The following POLR1D variants were observed in gnomAD, a reference collection of about 807,000 sequenced individuals.
The protein encoded by POLR1D is DNA-directed RNA polymerases I and III subunit RPAC2.
A neutral mutation model predicts 10.8 loss-of-function variants in POLR1D; 8 were observed. The ratio of observed to expected loss-of-function variants is 0.74; its 90% CI spans 0.43 to 1.33. The LOEUF is 1.33. POLR1D is among the 40% of genes most tolerant of loss of function. POLR1D has a pLI of 0.01. For missense variants in POLR1D, 152 were observed against 161.7 expected, an observed-to-expected ratio of 0.94 and a Z score of 0.32; for synonymous variants, 54 against 57.2, an observed-to-expected ratio of 0.94 and a Z score of 0.25.
chr13:27,642,423 C>G (rs552574879), intron 1 of POLR1D, among the ~76,000 whole-genome samples: 2 of 152,172 alleles, frequency 1.3e-5, no homozygotes. Context: ...CCCTCAGGAA[C>G]CTGTAGCTCT....
intron 2 of POLR1D, among the ~76,000 whole-genome samples, chr13:27,653,255 A>G (rs1047910198): frequency 1.3e-5 from 2 of 152,100 alleles, no homozygotes; most frequent in Non-Finnish European, 2.9e-5. Flanking sequence ...TGATGTCTAC[A>G]TCTAGCTGCA....
intron 1 of POLR1D, among the ~76,000 whole-genome samples, chr13:27,636,058 A>G (rs902875760): frequency 7.2e-5 from 11 of 152,208 alleles, no homozygotes; most frequent in African/African-American, 2.7e-4. Context: ...TTTTTCGGGT[A>G]AGAAATTCTG....
At chr13:27,627,547 G>A (rs12877894), downstream of POLR1D, among the ~76,000 whole-genome samples, 1,252 of 152,168 alleles carry the variant, frequency 8.2e-3, 7 homozygotes, top group Non-Finnish European at 0.013. Context: ...ATTCAGAATG[G>A]GATGGGTGAA....
intron 2 of POLR1D, among the ~76,000 whole-genome samples, chr13:27,660,112 A>T (rs929570731): frequency 2.0e-5 from 3 of 152,180 alleles, no homozygotes; most frequent in Non-Finnish European, 4.4e-5. Context: ...AGCATTTTTC[A>T]GGTGGCCACA....
At chr13:27,641,293 T>A (rs1284714373) in intron 1 of POLR1D, among the ~76,000 whole-genome samples, 1 of 152,232 alleles carries the variant, frequency 6.6e-6, no homozygotes, top group Non-Finnish European at 1.5e-5. Context: ...TTCCTACACA[T>A]CTGGTGTTTC....
chr13:27,622,088 G>A (rs1955941016), intron 1 of POLR1D, 79 bp downstream of exon 1: 4 of 1,223,654 alleles, frequency 3.3e-6, no homozygotes, highest in Non-Finnish European at 3.5e-6. Flanking sequence ...TGCCTGGCCT[G>A]GCAGCCGGGG....
chr13:27,622,093 CCG>C, intron 1 of POLR1D, 84 bp downstream of exon 1: 2 of 1,188,718 alleles, frequency 1.7e-6, no homozygotes, highest in Non-Finnish European at 2.5e-6. Flanking sequence ...GGCCTGGCAG[CCG>C]GGGCCTGACT....
chr13:27,623,262 G>A lies in POLR1D; in HGVS notation c.*12G>A. On this transcript the variant is annotated 3_prime_UTR_variant, in exon 2 of 2. Transcript: ENST00000302979. ...AATCCACATTCTAGTCCTTTATGCAGTATACAAGGAGAACTGTCCTGTAGG... is the reference window on the plus strand; with the variant it reads ...AATCCACATTCTAGTCCTTTATGCAATATACAAGGAGAACTGTCCTGTAGG... 6.2e-7 allele frequency: 1 copy of A among 1,613,238 alleles called. No individual in the cohort carries two copies. Among genetic ancestry groups the A allele is most frequent in the South Asian group, 1.1e-5 (1 of 90,638 alleles).
chr13:27,631,220 T>C (rs937173820), intron 1 of POLR1D, among the ~76,000 whole-genome samples: 1 of 152,344 alleles, frequency 6.6e-6, no homozygotes, highest in Non-Finnish European at 1.5e-5. Context: ...GTAGTCAAGA[T>C]GTCATCCAGG....
At chr13:27,648,442 A>C (rs925135584) in exon 2 of POLR1D, 1 of 1,607,074 alleles carries the variant, frequency 6.2e-7, no homozygotes, top group Admixed American at 1.7e-5. Flanking sequence ...AAACAATGGG[A>C]CCCATGGGTT....
chr13:27,642,164 A>G (rs1956180428), intron 1 of POLR1D, among the ~76,000 whole-genome samples: 1 of 152,244 alleles, frequency 6.6e-6, no homozygotes, highest in Non-Finnish European at 1.5e-5. Flanking sequence ...AGCTAAACAA[A>G]GGCCATTTAT....
At position 27,647,154 on chromosome 13, in the gene POLR1D, C is replaced by T. The variant is rs573498235; in HGVS notation, c.27-1225C>T. ...TGATACATCATATTCAAGTCAGGGA[C>T]GATCATCTTCCTATGTTGCTACCCA... On this transcript the variant is annotated intron_variant, in intron 1 of 2. Transcript: ENST00000399697. Among the ~76,000 whole-genome samples, 128 of 152,098 alleles carry T rather than the reference C, an allele frequency of 8.4e-4. 1 individual carries two copies. The highest frequency in any genetic ancestry group is 1.5e-3 in the South Asian group (7 of 4,816).
intron 1 of POLR1D, among the ~76,000 whole-genome samples, chr13:27,646,734 G>A (rs1001781024): frequency 6.6e-6 from 1 of 152,174 alleles, no homozygotes; most frequent in African/African-American, 2.4e-5. Context: ...TGAAAGCATA[G>A]TATTAGGAAT....
chr13:27,655,435 T>C (rs924957267), intron 2 of POLR1D, among the ~76,000 whole-genome samples: 1 of 152,162 alleles, frequency 6.6e-6, no homozygotes, highest in Admixed American at 6.6e-5. Flanking sequence ...ATCCCAAAAA[T>C]GTCTTTTATA....
exon 3 of POLR1D, chr13:27,667,162 C>T (rs968222576): frequency 1.3e-5 from 2 of 152,222 alleles, no homozygotes; most frequent in African/African-American, 4.8e-5. Flanking sequence ...CCAAGTCATT[C>T]TTGATCCACC....
intron 1 of POLR1D, among the ~76,000 whole-genome samples, chr13:27,630,261 C>A (rs575870989): frequency 6.6e-6 from 1 of 152,238 alleles, no homozygotes; most frequent in South Asian, 2.1e-4. Flanking sequence ...TAGCATATCT[C>A]AAAAACAAAA....
chr13:27,643,927 T>C (rs1956197029), intron 1 of POLR1D, among the ~76,000 whole-genome samples: 1 of 152,206 alleles, frequency 6.6e-6, no homozygotes, highest in Non-Finnish European at 1.5e-5. Context: ...AGAGTAGTCT[T>C]ATTAAGCAAT....
At position 27,622,916 on chromosome 13, in the gene POLR1D, G is replaced by A; in HGVS notation, c.68G>A (p.Arg23Lys). The A allele has an allele frequency of 6.2e-7, 1 of 1,611,936 alleles. No individual in the cohort carries two copies. The highest frequency in any genetic ancestry group is 8.5e-7 in the Non-Finnish European group (1 of 1,177,968). ...AAGACCTCAATGGCTGAAGGCGAGA[G>A]GAAGACAGCCCTGGAAATGGTCCAG... ...GLKTSMAEGE[R>K]KTALEMVQAA... The change falls in exon 2 of 2, where the codon AGG (arginine) becomes AAG (lysine). Residue 23 changes from arginine (R) to lysine (K), a missense_variant. Arg to Lys is a conservative substitution (Grantham distance 26). Coordinates refer to ENST00000302979, the MANE Select transcript of POLR1D (RefSeq NM_015972.4).
At chr13:27,636,105 A>T (rs1347193293) in intron 1 of POLR1D, among the ~76,000 whole-genome samples, 1 of 152,320 alleles carries the variant, frequency 6.6e-6, no homozygotes, top group South Asian at 2.1e-4. Flanking sequence ...CAATAATCAT[A>T]GACACATCAC....
Sources: allele counts gnomAD v4.1 joint callset (sites outside exome capture counted in the v4.1 genomes callset), GRCh38; gene constraint gnomAD v4.1.1; transcripts MANE v1.5; gene names NCBI Gene and HGNC (gene_info 2026-07-23, HGNC 2026-07-21).